TENM3: variants seen among roughly 807,000 people sequenced by gnomAD.
TENM3 encodes teneurin transmembrane protein 3, also known as teneurin-3.
Under a neutral mutation model 255.1 loss-of-function variants are expected in TENM3, and 63 were observed. The ratio of observed to expected loss-of-function variants is 0.25; its 90% CI spans 0.20 to 0.30. The LOEUF (loss-of-function observed/expected upper bound fraction) is 0.30. Ranked by LOEUF, TENM3 falls within the 10% of genes least tolerant of loss-of-function variation. The probability of loss-of-function intolerance (pLI) is 1.00; values close to 1 mark genes in which losing one functional copy is unlikely to be tolerated. For synonymous variants in TENM3, 1,306 were observed against 1,322.3 expected (o/e 0.99, Z 0.27); for missense variants, 2,929 against 3,461.1 (o/e 0.85, Z 3.86).
At chr4:182,180,102 A>C (rs1417756063) in intron 1 of TENM3, among the ~76,000 whole-genome samples, 1 of 150,758 alleles carries the variant, frequency 6.6e-6, no homozygotes, top group Non-Finnish European at 1.5e-5. Context: ...AATAAAACCT[A>C]CTTTCAGGGT....
intron 5 of TENM3, among the ~76,000 whole-genome samples, chr4:182,644,539 C>T (rs1018176051): frequency 2.0e-5 from 3 of 151,934 alleles, no homozygotes; most frequent in Non-Finnish European, 2.9e-5. Context: ...CCATGGATTC[C>T]GTTCGTCTCC....
the TENM3 span, among the ~76,000 whole-genome samples, chr4:181,539,632 T>A: frequency 1.3e-5 from 2 of 152,160 alleles, no homozygotes; most frequent in Non-Finnish European, 2.9e-5. Flanking sequence ...AAGAAAGAAA[T>A]GACAATGTCC....
intron 3 of TENM3, among the ~76,000 whole-genome samples, chr4:182,353,791 C>T (rs182653970): frequency 2.6e-5 from 4 of 152,130 alleles, no homozygotes; most frequent in Non-Finnish European, 4.4e-5. Context: ...CATGGTGAAA[C>T]CCCATCTCTA....
intron 12 of TENM3, among the ~76,000 whole-genome samples, chr4:182,707,199 C>G (rs1240332871): frequency 6.6e-6 from 1 of 151,992 alleles, no homozygotes; most frequent in Non-Finnish European, 1.5e-5. Context: ...ACTCCTAGAC[C>G]TTATCCAAGA....
intron 19 of TENM3, chr4:182,744,287 C>A (rs2152737381): frequency 2.0e-6 from 1 of 489,916 alleles, no homozygotes; most frequent in Non-Finnish European, 2.7e-6. Flanking sequence ...TATCACACAT[C>A]ATCGAAGGAA....
intron 1 of TENM3, among the ~76,000 whole-genome samples, chr4:182,159,484 G>A (rs796910185): frequency 8.7e-5 from 12 of 137,276 alleles, no homozygotes; most frequent in African/African-American, 3.2e-4. Context: ...GTGTGTGTGT[G>A]TATCAGGATG....
chr4:182,707,459 T>A (rs1758364781), intron 12 of TENM3, among the ~76,000 whole-genome samples: 1 of 152,154 alleles, frequency 6.6e-6, no homozygotes, highest in African/African-American at 2.4e-5. Context: ...AATTATCTTG[T>A]GTCCTCCTCC....
the TENM3 span, among the ~76,000 whole-genome samples, chr4:181,661,353 C>T: frequency 6.5e-3 from 991 of 152,148 alleles, 7 homozygotes; most frequent in East Asian, 0.02. Context: ...AAAAATATTC[C>T]GAAAATTGCC....
chr4:181,531,427 C>G, the TENM3 span, among the ~76,000 whole-genome samples: 1 of 152,276 alleles, frequency 6.6e-6, no homozygotes, highest in Admixed American at 6.5e-5. Context: ...ATCCCAGAGT[C>G]TGTTTCTGTT....
chr4:182,626,804 G>C (rs914958086), intron 4 of TENM3, among the ~76,000 whole-genome samples: 9 of 152,122 alleles, frequency 5.9e-5, no homozygotes, highest in Non-Finnish European at 8.8e-5. Flanking sequence ...CTCATCATTT[G>C]CATCTGTTCT....
At chr4:182,180,125 GA>G (rs1752753247) in intron 1 of TENM3, among the ~76,000 whole-genome samples, 1 of 137,420 alleles carries the variant, frequency 7.3e-6, no homozygotes, top group Non-Finnish European at 1.7e-5. Flanking sequence ...AAAAAAAATC[GA>G]AGAGTTTTTT....
intron 3 of TENM3, among the ~76,000 whole-genome samples, chr4:182,482,806 C>A (rs1734324785): frequency 6.6e-6 from 1 of 152,018 alleles, no homozygotes; most frequent in South Asian, 2.1e-4. Context: ...CCATAAGATG[C>A]CTTCTTTGTA....
chr4:182,797,892 G>A (rs2152837356), intron 27 of TENM3, among the ~76,000 whole-genome samples: 1 of 152,300 alleles, frequency 6.6e-6, no homozygotes, highest in South Asian at 2.1e-4. Context: ...TACAGTACCA[G>A]TACCTGTTTT....
chr4:182,541,474 TG>T (rs1740871784), intron 3 of TENM3, among the ~76,000 whole-genome samples: 1 of 152,088 alleles, frequency 6.6e-6, no homozygotes, highest in African/African-American at 2.4e-5. Context: ...AATTATAGGG[TG>T]GTGCAAACAT....
the TENM3 span, among the ~76,000 whole-genome samples, chr4:181,868,780 T>C: frequency 6.6e-6 from 1 of 152,176 alleles, no homozygotes; most frequent in African/African-American, 2.4e-5. Flanking sequence ...ACATGTTTCT[T>C]AAAGACTTTA....
At chr4:182,097,201 CTG>C in the TENM3 span, among the ~76,000 whole-genome samples, 1 of 152,062 alleles carries the variant, frequency 6.6e-6, no homozygotes, top group Non-Finnish European at 1.5e-5. Context: ...TTATGTGTCT[CTG>C]TTTTTCTTTA....
At chr4:181,915,819 G>C in the TENM3 span, among the ~76,000 whole-genome samples, 9 of 152,172 alleles carry the variant, frequency 5.9e-5, no homozygotes, top group African/African-American at 1.9e-4. Context: ...AAAAGGCTAA[G>C]ATTAAACACC....
chr4:181,699,590 T>G, the TENM3 span, among the ~76,000 whole-genome samples: 1 of 152,000 alleles, frequency 6.6e-6, no homozygotes, highest in African/African-American at 2.4e-5. Flanking sequence ...CAAAATATAA[T>G]TTCCTTTAAA....
At chr4:181,830,752 A>T in the TENM3 span, among the ~76,000 whole-genome samples, 1 of 152,220 alleles carries the variant, frequency 6.6e-6, no homozygotes, top group Admixed American at 6.5e-5. Flanking sequence ...TGCCCTTCCC[A>T]GATGGACTGA....
Sources: allele counts gnomAD v4.1 joint callset (sites outside exome capture counted in the v4.1 genomes callset), GRCh38; gene constraint gnomAD v4.1.1; transcripts MANE v1.5; gene names NCBI Gene and HGNC (gene_info 2026-07-23, HGNC 2026-07-21).